SCRN3: variants seen among roughly 807,000 people sequenced by gnomAD.
The protein encoded by SCRN3 is secernin-3.
SCRN3 carries 39 observed loss-of-function variants against 43.1 expected under a neutral mutation model. The ratio of observed to expected loss-of-function variants is 0.91; its 90% CI spans 0.70 to 1.18. SCRN3 has a LOEUF of 1.18. Ranked by LOEUF, SCRN3 falls within the 50% of genes most tolerant of loss-of-function variation. The pLI is 0.00. For missense variants in SCRN3, 484 were observed against 498.0 expected, an observed-to-expected ratio of 0.97 and a Z score of 0.27; for synonymous variants, 147 against 163.1, an observed-to-expected ratio of 0.90 and a Z score of 0.75.
intron 5 of SCRN3, among the ~76,000 whole-genome samples, chr2:174,417,162 A>G (rs1686140805): frequency 6.6e-6 from 1 of 152,214 alleles, no homozygotes; most frequent in South Asian, 2.1e-4. Flanking sequence ...CAGGAAAAAT[A>G]GCTAATGCAT....
At chr2:174,416,740 T>A (rs78241371) in intron 5 of SCRN3, among the ~76,000 whole-genome samples, 11,706 of 152,280 alleles carry the variant, frequency 0.077, 724 homozygotes, top group Admixed American at 0.2. Flanking sequence ...ATATTTTCAG[T>A]CTTTTATTGA....
chr2:174,399,991 TG>T lies in SCRN3; in HGVS notation c.235del (p.Ala79GlnfsTer30). 6.3e-7 allele frequency: 1 copy of T among 1,597,158 alleles called. No individual in the cohort carries two copies. The highest frequency in any genetic ancestry group is 1.4e-5 in the African/African-American group (1 of 73,236). ...TGTCCTGAGTCGCCCAGCGTGGTTG[TG>T]GGGGGCAGAAATGGGAGCCAATGAG... ...AVVLSRPAWL[W>X]GAEMGANEHG... On this transcript the variant is annotated frameshift_variant, in exon 3 of 8. Transcript: ENST00000272732. LOFTEE classifies it high-confidence loss of function.
chr2:174,401,285 A>G (rs746207518), intron 4 of SCRN3, 96 bp downstream of exon 4: 3 of 959,160 alleles, frequency 3.1e-6, no homozygotes, highest in Non-Finnish European at 4.7e-6. Context: ...AAGATTAATA[A>G]TCTAGTGTAA....
chr2:174,410,318 C>G (rs190077798), intron 5 of SCRN3: 3 of 150,678 alleles, frequency 2.0e-5, no homozygotes, highest in African/African-American at 7.4e-5. Flanking sequence ...TGCTTCGGCT[C>G]GCGCACGGTG....
chr2:174,416,321 CTTAA>C lies in SCRN3; in HGVS notation c.755-6556_755-6553del, dbSNP rs1031998269. 7.2e-5 allele frequency among the ~76,000 whole-genome samples: 11 copies of C among 152,120 alleles called. No individual in the cohort carries two copies. In the South Asian group the frequency reaches 8.3e-4, roughly 11 times the overall value. On this transcript the variant is annotated intron_variant, in intron 5 of 7. Transcript: ENST00000272732. ...TACTTTGGTGGCAGAATGGACAGGA[CTTAA>C]TTAATTAGAGTGAAGGTTAGAGAGA... is the stretch of plus-strand genomic sequence containing the variant.
intron 4 of SCRN3, among the ~76,000 whole-genome samples, chr2:174,402,830 T>C (rs1685551381): frequency 6.6e-6 from 1 of 152,214 alleles, no homozygotes; most frequent in Non-Finnish European, 1.5e-5. Context: ...GATTTTTACT[T>C]GACAGACTGT....
At position 174,428,584 on chromosome 2, in the gene SCRN3, T is replaced by C. The variant is rs1019255816; in HGVS notation, c.*689T>C. The C allele has an allele frequency of 2.6e-5, 4 of 152,096 alleles. No individual in the cohort carries two copies. Among genetic ancestry groups the C allele is most frequent in the South Asian group, 2.1e-4 (1 of 4,822 alleles). The allele number at this position is 152,096 out of a possible 1,614,324, so 9.4% of individuals were successfully genotyped here. ...TTGTTTGGGAGATTAGAGAATAAGA[T>C]AAAAGAACCAAAACCTTAGGATATA... is the stretch of plus-strand genomic sequence containing the variant. On this transcript the variant is annotated 3_prime_UTR_variant, in exon 8 of 8. Transcript: ENST00000272732.
rs188998526 is a variant in SCRN3, at chr2:174,424,584, C to G, written c.1027C>G (p.Pro343Ala). The change falls in exon 7 of 8, where the codon CCT becomes GCT. Residue 343 changes from proline (P) to alanine (A), a missense_variant. Coordinates refer to ENST00000272732, the MANE Select transcript of SCRN3 (RefSeq NM_024583.5). The stretch of plus-strand genomic sequence containing the variant: ...AGTTAAAAAGAAATCACATTTTAAG[C>G]CTGACAGAAGACACCCACTCTACCA... ...DLVKKKSHFK[P>A]DRRHPLYQKH... is the part of the protein sequence containing the mutation. 4 of 1,613,158 alleles carry G rather than the reference C, an allele frequency of 2.5e-6. No homozygotes were observed. In the African/African-American group the frequency reaches 5.3e-5, roughly 22 times the overall value.
chr2:174,398,903 G>T lies in SCRN3; in HGVS notation c.159+461G>T, dbSNP rs561390131. On this transcript the variant is annotated intron_variant, in intron 2 of 7. Transcript: ENST00000272732. ...GAATTTGATGGACAAAAAGGATTCT[G>T]ATTCTGAATTGGCTTAGGTTCTACT... Among the ~76,000 whole-genome samples, 259 of 152,284 alleles carry T rather than the reference G, an allele frequency of 1.7e-3. 4 individuals are homozygous for T. In the South Asian group the frequency reaches 0.02, roughly 12 times the overall value.
chr2:174,429,224 A>C lies in SCRN3; in HGVS notation c.*1329A>C, dbSNP rs1441176891. 6.6e-6 allele frequency: 1 copy of C among 152,136 alleles called. No individual in the cohort carries two copies. Among genetic ancestry groups the C allele is most frequent in the Non-Finnish European group, 1.5e-5 (1 of 68,018 alleles). The allele number at this position is 152,136 out of a possible 1,614,324, so 9.4% of individuals were successfully genotyped here. On this transcript the variant is annotated 3_prime_UTR_variant, in exon 8 of 8. Transcript: ENST00000272732. ...TTAATAGATGAGGAAACTAAGGGCA[A>C]ACAGTTCGTTACACTTACGGGAATC...
At position 174,404,056 on chromosome 2, in the gene SCRN3, T is replaced by G. The variant is rs777360566; in HGVS notation, c.542-47T>G. ...TGATATACAGATACATGCTTTATGT[T>G]AAATATGACTTTTCTTCTCCTTTCT... On this transcript the variant is annotated intron_variant, in intron 4 of 7. Transcript: ENST00000272732. 4 of 1,432,188 alleles carry G rather than the reference T, an allele frequency of 2.8e-6. No individual in the cohort carries two copies. The Admixed American group carries it at 5.2e-5, about 19-fold the overall frequency. The allele number at this position is 1,432,188 out of a possible 1,614,324, so 88.7% of individuals were successfully genotyped here.
rs768793618 is a variant in SCRN3, at chr2:174,398,416, C to A, written c.133C>A (p.His45Asn). 1.8e-5 allele frequency: 28 copies of A among 1,599,170 alleles called. No individual in the cohort carries two copies. The East Asian group carries it at 6.3e-4, about 36-fold the overall frequency. ...GGTGGTTTATTTTCCTGCTGTAGTT[C>A]ATGATAACCTGGGAGAACGTCTTAA... The part of the protein sequence containing the change: ...QEVVYFPAVV[H>N]DNLGERLKCT... The change falls in exon 2 of 8, where the codon CAT becomes AAT. Residue 45 changes from histidine to asparagine, a missense_variant. Physicochemically the swap from His to Asn is moderately conservative, Grantham distance 68 (BLOSUM62 1). Transcript: ENST00000272732.
Position 174,400,989 on chromosome 2 carries a change from G to T in SCRN3, c.342-1G>T. Reference sequence around the variant, plus strand: ...ATGAGAACTTTATATTTTTGTTTTAGACTTGGCCTTGAAAGAGCTGATACA... The same window carrying T: ...ATGAGAACTTTATATTTTTGTTTTATACTTGGCCTTGAAAGAGCTGATACA... On this transcript the variant is annotated splice_acceptor_variant, in intron 3 of 7. Transcript: ENST00000272732. LOFTEE classifies it high-confidence loss of function. The T allele has an allele frequency of 1.2e-6, 2 of 1,603,042 alleles. No homozygotes were observed. Among genetic ancestry groups the T allele is most frequent in the South Asian group, 2.2e-5 (2 of 89,142 alleles).
chr2:174,413,333 T>C (rs953996001), intron 5 of SCRN3, among the ~76,000 whole-genome samples: 1 of 152,134 alleles, frequency 6.6e-6, no homozygotes, highest in Admixed American at 6.5e-5. Flanking sequence ...TAAGAACAAA[T>C]AGATAATTCT....
intron 7 of SCRN3, among the ~76,000 whole-genome samples, chr2:174,426,288 A>AT (rs1686478117): frequency 6.6e-6 from 1 of 152,148 alleles, no homozygotes; most frequent in Admixed American, 6.5e-5. Flanking sequence ...TGAAGTAGGG[A>AT]TTTTAACTCT....
At chr2:174,400,791 GGTTT>G (rs1357337114) in intron 3 of SCRN3, among the ~76,000 whole-genome samples, 195 bp from the exon 4 acceptor site, 1 of 152,074 alleles carries the variant, frequency 6.6e-6, no homozygotes, top group African/African-American at 2.4e-5. Flanking sequence ...GAATTTGATA[GGTTT>G]GTTTGACTCC....
rs1685592517 is a variant in SCRN3, at chr2:174,404,012, A to C, written c.542-91A>C. 3 of 945,670 alleles carry C rather than the reference A, an allele frequency of 3.2e-6. No individual in the cohort carries two copies. The East Asian group carries it at 7.9e-5, about 25-fold the overall frequency. The allele number at this position is 945,670 out of a possible 1,614,324, so 58.6% of individuals were successfully genotyped here. A position where few individuals can be genotyped will look rare whatever the true frequency, so the allele number is the denominator to read the frequency against. ...AATTTAGAAGTCTATATTTATGTTT[A>C]CATAGTGATTAGGAATCATGATATA... On this transcript the variant is annotated intron_variant, in intron 4 of 7. Coordinates refer to ENST00000272732, the MANE Select transcript of SCRN3 (RefSeq NM_024583.5).
intron 4 of SCRN3, among the ~76,000 whole-genome samples, chr2:174,403,898 A>C (rs1332431020): frequency 1.3e-5 from 2 of 152,188 alleles, no homozygotes; most frequent in African/African-American, 4.8e-5. Flanking sequence ...TTATAACTGC[A>C]TGTGAATCTA....
At chr2:174,422,362 T>C (rs887604919) in intron 5 of SCRN3, among the ~76,000 whole-genome samples, 5 of 152,126 alleles carry the variant, frequency 3.3e-5, no homozygotes, top group African/African-American at 1.2e-4. Flanking sequence ...TCACCTGAGG[T>C]CAGGAGTTCA....
Sources: gnomAD v4.1 joint callset for allele counts (sites outside exome capture counted in the v4.1 genomes callset) on GRCh38, gnomAD v4.1.1 for gene constraint, MANE v1.5 for transcripts, NCBI Gene and HGNC (gene_info 2026-07-23, HGNC 2026-07-21) for gene names.